Variants in ARSK observed in about 807,000 individuals in gnomAD.
ARSK encodes arylsulfatase K.
A neutral mutation model predicts 53.2 loss-of-function variants in ARSK; 37 were observed. The ratio of observed to expected loss-of-function variants is 0.70; its 90% CI spans 0.54 to 0.92. The LOEUF (loss-of-function observed/expected upper bound fraction) is 0.92, where lower values mean the gene tolerates loss of function less well. Among genes scored for constraint, ARSK ranks in the 40% least tolerant of loss-of-function variants. ARSK has a pLI of 0.00. For missense variants in ARSK, 613 were observed against 643.0 expected (o/e 0.95, Z 0.51); for synonymous variants, 208 against 223.2 (o/e 0.93, Z 0.61).
At chr5:95,595,522 A>G (rs1049173314) in intron 6 of ARSK, among the ~76,000 whole-genome samples, 4 of 152,248 alleles carry the variant, frequency 2.6e-5, no homozygotes, top group African/African-American at 9.6e-5. Context: ...TTGCAGCAAC[A>G]TGAATGGAAC....
intron 4 of ARSK, among the ~76,000 whole-genome samples, chr5:95,585,148 C>A (rs987030714): frequency 6.6e-6 from 1 of 152,090 alleles, no homozygotes; most frequent in Admixed American, 6.5e-5. Context: ...CTTACTCCTG[C>A]AAGAATGGTC....
intron 6 of ARSK, among the ~76,000 whole-genome samples, chr5:95,594,324 A>C (rs188523603): frequency 7.5e-4 from 114 of 152,354 alleles, no homozygotes; most frequent in Middle Eastern, 6.8e-3. Context: ...ATAAAGGTTT[A>C]ATATTCATAG....
chr5:95,556,117 C>A, intron 1 of ARSK: 1 of 664,462 alleles, frequency 1.5e-6, no homozygotes, highest in East Asian at 2.7e-5. Flanking sequence ...TATTATCACT[C>A]GGTGTTACTG....
intron 6 of ARSK, among the ~76,000 whole-genome samples, chr5:95,599,664 C>G (rs183306595): frequency 3.0e-3 from 453 of 152,272 alleles, no homozygotes; most frequent in Non-Finnish European, 4.7e-3. Context: ...AAAAAAGCCA[C>G]TAATTTTGAT....
chr5:95,580,331 G>A (rs992339565), intron 3 of ARSK, among the ~76,000 whole-genome samples: 2 of 152,138 alleles, frequency 1.3e-5, no homozygotes, highest in Non-Finnish European at 2.9e-5. Flanking sequence ...TACTGGTGGC[G>A]GGGAAGAACA....
chr5:95,589,454 A>G (rs1025073430), intron 5 of ARSK, among the ~76,000 whole-genome samples: 10 of 152,060 alleles, frequency 6.6e-5, no homozygotes, highest in Non-Finnish European at 8.8e-5. Context: ...GCAGGCCCCA[A>G]TGTGTATTGT....
At chr5:95,600,039 G>A (rs866415947) in intron 6 of ARSK, among the ~76,000 whole-genome samples, 4 of 152,176 alleles carry the variant, frequency 2.6e-5, no homozygotes, top group Non-Finnish European at 4.4e-5. Context: ...TATAGGAAGA[G>A]GGAAGTTTAA....
At chr5:95,556,283 G>T in intron 1 of ARSK, 4 of 700,442 alleles carry the variant, frequency 5.7e-6, no homozygotes, top group Non-Finnish European at 1.0e-5. Context: ...AGTTATCTTT[G>T]TGATTTAAAC....
In ARSK at chr5:95,581,076, A is replaced by G; in HGVS notation, c.417-1840A>G. 1.4e-5 allele frequency: 5 copies of G among 352,792 alleles called. No homozygotes were observed. The East Asian group carries it at 3.9e-4, about 28-fold the overall frequency. The allele number at this position is 352,792 out of a possible 1,614,324, so 21.9% of individuals were successfully genotyped here. A position where few individuals can be genotyped will look rare whatever the true frequency, so the allele number is the denominator to read the frequency against. ...CTAAAGCCATGCTTATGAAAAGGCA[A>G]GAGAGGATACCACTAAGATAATAGA... On this transcript the variant is annotated intron_variant, in intron 3 of 7. Transcript: ENST00000380009.
At chr5:95,595,788 C>G (rs141449705) in intron 6 of ARSK, among the ~76,000 whole-genome samples, 242 of 152,098 alleles carry the variant, frequency 1.6e-3, no homozygotes, top group African/African-American at 5.4e-3. Flanking sequence ...AAGTAATATA[C>G]CCAGGGAACA....
chr5:95,599,607 G>A (rs896330061), intron 6 of ARSK, among the ~76,000 whole-genome samples: 2 of 152,094 alleles, frequency 1.3e-5, no homozygotes, highest in Non-Finnish European at 2.9e-5. Flanking sequence ...TTTTTAACCA[G>A]TCACCTCTGA....
chr5:95,566,203 C>T, intron 2 of ARSK, 76 bp downstream of exon 2: 2 of 1,524,612 alleles, frequency 1.3e-6, no homozygotes. Flanking sequence ...AAGATTATAC[C>T]TAAAAGTAGA....
chr5:95,587,713 C>T (rs539750430), intron 5 of ARSK, among the ~76,000 whole-genome samples: 9 of 152,196 alleles, frequency 5.9e-5, no homozygotes, highest in African/African-American at 2.2e-4. Context: ...TCGAGACCAG[C>T]CTGGCCAACA....
rs77108784 is a variant in ARSK, at chr5:95,567,871, CTTT to C, written c.257-8_257-6del. 48 of 1,267,660 alleles carry C rather than the reference CTTT, an allele frequency of 3.8e-5. No homozygotes were observed. Among genetic ancestry groups the C allele is most frequent in the South Asian group, 8.7e-5 (6 of 69,012 alleles). 78.5% of individuals were successfully genotyped at this position (1,267,660 alleles called of 1,614,324 possible). A position where few individuals can be genotyped will look rare whatever the true frequency, so the allele number is the denominator to read the frequency against. On this transcript the variant is annotated splice_polypyrimidine_tract_variant and intron_variant, in intron 2 of 7. Coordinates refer to ENST00000380009, the MANE Select transcript of ARSK (RefSeq NM_198150.3). Reference sequence around the variant, plus strand: ...TTAAGCTTTACCTTAATCCCAATTCCTTTTTTTTTTTTTCTCAGCAATGTGGAG... The same window carrying C: ...TTAAGCTTTACCTTAATCCCAATTCCTTTTTTTTTTCTCAGCAATGTGGAG...
chr5:95,555,376 A>G lies in ARSK; in HGVS notation c.98A>G (p.Asn33Ser), dbSNP rs752732890. 75 of 1,609,524 alleles carry G rather than the reference A, an allele frequency of 4.7e-5. No individual in the cohort carries two copies. The highest frequency in any genetic ancestry group is 1.3e-4 in the East Asian group (6 of 44,734). ...EQRRRAAKAP[N>S]VVLVVSDSFD... is the part of the protein sequence containing the mutation. ...AGGCGGAGAGCAGCCAAAGCGCCCA[A>G]TGTGGTGCTGGTCGTGAGCGACTCC... The change falls in exon 1 of 8, where the codon AAT (asparagine) becomes AGT (serine). Residue 33 changes from asparagine to serine, a missense_variant. Coordinates refer to ENST00000380009, the MANE Select transcript of ARSK (RefSeq NM_198150.3). This position sits in a 1 kb window ranked among gnomAD's most constrained non-coding sequence, Gnocchi z 4.0.
intron 6 of ARSK, among the ~76,000 whole-genome samples, chr5:95,600,186 C>T (rs545292462): frequency 6.6e-6 from 1 of 152,142 alleles, no homozygotes; most frequent in African/African-American, 2.4e-5. Flanking sequence ...TCCACAATTC[C>T]TGAAAGCATG....
At chr5:95,573,039 C>G (rs1748861770) in intron 3 of ARSK, among the ~76,000 whole-genome samples, 2 of 152,144 alleles carry the variant, frequency 1.3e-5, no homozygotes, top group South Asian at 4.1e-4. Flanking sequence ...ACAGCCCCTT[C>G]CCTAACAAAG....
At position 95,590,798 on chromosome 5, in the gene ARSK, G is replaced by C. The variant is rs1216821290; in HGVS notation, c.872-603G>C. On this transcript the variant is annotated intron_variant, in intron 5 of 7. Transcript: ENST00000380009. The stretch of plus-strand genomic sequence containing the variant: ...AGGAACTGGTCAGAGGAATTTTACT[G>C]TCCCATTATTCCCTATCCAAGAAGA... Among the ~76,000 whole-genome samples, 4 of 152,168 alleles carry C rather than the reference G, an allele frequency of 2.6e-5. No homozygotes were observed. In the East Asian group the frequency reaches 7.7e-4, roughly 29 times the overall value.
chr5:95,589,209 C>T (rs1016538549), intron 5 of ARSK, among the ~76,000 whole-genome samples: 1 of 152,188 alleles, frequency 6.6e-6, no homozygotes. Flanking sequence ...CATAGTAATA[C>T]TAATTATTCG....
Sources: allele counts gnomAD v4.1 joint callset (sites outside exome capture counted in the v4.1 genomes callset), GRCh38; gene constraint gnomAD v4.1.1; non-coding constraint Gnocchi (gnomAD v3.1); transcripts MANE v1.5; gene names NCBI Gene and HGNC (gene_info 2026-07-23, HGNC 2026-07-21).